The following PCDHGA2 variants were observed in gnomAD, a reference collection of about 807,000 sequenced individuals.
PCDHGA2 encodes protocadherin gamma-A2.
In PCDHGA2, 40 loss-of-function variants were observed where a neutral mutation model predicts 59.2. That is an observed-to-expected ratio of 0.68 (90% CI 0.52 to 0.88). PCDHGA2 has a LOEUF of 0.88. PCDHGA2 is among the 40% of genes least tolerant of loss of function. PCDHGA2 has a pLI of 0.00. For missense variants in PCDHGA2, 1,226 were observed against 1,204.0 expected (o/e 1.02, Z -0.27); for synonymous variants, 560 against 526.0 (o/e 1.06, Z -0.89).
chr5:141,440,075 T>C (rs2098148518), intron 1 of PCDHGA2: 1 of 152,428 alleles, frequency 6.6e-6, no homozygotes, highest in Non-Finnish European at 1.5e-5. Flanking sequence ...TGAGGAATAA[T>C]ACTTCATTCT....
In PCDHGA2 at chr5:141,490,963, G is replaced by GC; in HGVS notation, c.2425-3838dup. 6.2e-7 allele frequency: 1 copy of GC among 1,613,760 alleles called. No individual in the cohort carries two copies. On this transcript the variant is annotated intron_variant, in intron 1 of 3. Transcript: ENST00000394576. This position sits in a 1 kb window ranked among gnomAD's most constrained non-coding sequence, Gnocchi z 5.4. ...CCCACGGCCAGACTGGGAACACTCA[G>GC]CCCCCCAGCGTCTCCCTCGCTCTGC...
intron 1 of PCDHGA2, chr5:141,389,630 T>G: frequency 6.2e-7 from 1 of 1,612,990 alleles, no homozygotes; most frequent in South Asian, 1.1e-5. Context: ...CTGCAGAGCC[T>G]GGCTACTTGG....
intron 1 of PCDHGA2, chr5:141,384,766 A>T (rs1277766667): frequency 6.2e-7 from 1 of 1,613,916 alleles, no homozygotes; most frequent in South Asian, 1.1e-5. Context: ...TGGGCTGTAC[A>T]CGGGCGAGGT....
chr5:141,376,654 C>A, intron 1 of PCDHGA2: 1 of 932,252 alleles, frequency 1.1e-6, no homozygotes, highest in Non-Finnish European at 1.6e-6. Context: ...GTGGAAGACT[C>A]CCTTGTTCAG....
chr5:141,374,827 T>G, intron 1 of PCDHGA2: 1 of 1,613,964 alleles, frequency 6.2e-7, no homozygotes, highest in Non-Finnish European at 8.5e-7. Flanking sequence ...CTGTCTACCG[T>G]GTAAGTGTTC....
At chr5:141,359,613 G>A (rs960150614) in intron 1 of PCDHGA2, among the ~76,000 whole-genome samples, 5 of 151,718 alleles carry the variant, frequency 3.3e-5, no homozygotes, top group Non-Finnish European at 5.9e-5. Flanking sequence ...GCAGAATATG[G>A]TATGTTGTAT....
intron 1 of PCDHGA2, chr5:141,391,235 G>A (rs939140536): frequency 6.6e-6 from 1 of 151,890 alleles, no homozygotes; most frequent in Admixed American, 6.6e-5. Flanking sequence ...CTTTTGCTAG[G>A]TATATCTAAG....
chr5:141,352,783 A>C, intron 1 of PCDHGA2: 1 of 1,089,618 alleles, frequency 9.2e-7, no homozygotes, highest in Non-Finnish European at 1.3e-6. Context: ...TGAGGTCAGG[A>C]GTTTGAGACC....
At chr5:141,421,257 C>T (rs944057868) in intron 1 of PCDHGA2, 1 of 1,608,520 alleles carries the variant, frequency 6.2e-7, no homozygotes, top group African/African-American at 1.3e-5. Context: ...GCGGGGACCG[C>T]AGTCGGCTGC....
chr5:141,506,280 C>CT (rs1455257972), intron 3 of PCDHGA2, among the ~76,000 whole-genome samples: 1 of 152,024 alleles, frequency 6.6e-6, no homozygotes, highest in Non-Finnish European at 1.5e-5. Flanking sequence ...GAAACCCTGT[C>CT]TCTACTAAAA....
rs760617436 is a variant in PCDHGA2 at position 141,410,113 on chromosome 5, A to T, written c.2424+68718A>T. On this transcript the variant is annotated intron_variant, in intron 1 of 3. Transcript: ENST00000394576. The stretch of plus-strand genomic sequence containing the variant: ...CTCGAGCCTTAGGCGACAGGGACGC[A>T]GCCCGCCAGCGCCTGCTGGTCGCTG... 5 of 1,612,436 alleles carry T rather than the reference A, an allele frequency of 3.1e-6. No individual in the cohort carries two copies. The African/African-American group carries it at 6.7e-5, about 22-fold the overall frequency.
At chr5:141,426,844 A>C (rs1397752566) in intron 1 of PCDHGA2, 1 of 456,628 alleles carries the variant, frequency 2.2e-6, no homozygotes, top group Non-Finnish European at 4.4e-6. Context: ...ACTAAAGGCA[A>C]GAACGCTCCA....
chr5:141,446,797 A>G lies in PCDHGA2; in HGVS notation c.2425-48010A>G, dbSNP rs559881142. ...CCATTCTTTTACTCTGAGTTCTTCC[A>G]TTGTGATCATCTAGTCAGATGGGTA... is the stretch of plus-strand genomic sequence containing the variant. On this transcript the variant is annotated intron_variant, in intron 1 of 3. Coordinates refer to ENST00000394576, the MANE Select transcript of PCDHGA2 (RefSeq NM_018915.4). Among the ~76,000 whole-genome samples, 48 of 152,224 alleles carry G rather than the reference A, an allele frequency of 3.2e-4. No individual in the cohort carries two copies. In the South Asian group the frequency reaches 7.3e-3, roughly 23 times the overall value.
chr5:141,384,609 T>C (rs967686346), intron 1 of PCDHGA2: 1 of 1,614,148 alleles, frequency 6.2e-7, no homozygotes, highest in South Asian at 1.1e-5. Context: ...TCCCCACAGA[T>C]GGTTCTACTG....
chr5:141,463,886 C>T (rs1327677210), intron 1 of PCDHGA2, among the ~76,000 whole-genome samples: 3 of 152,118 alleles, frequency 2.0e-5, no homozygotes, highest in African/African-American at 4.8e-5. Flanking sequence ...AAAGTTTTCA[C>T]CTTGCTTTTT....
intron 1 of PCDHGA2, chr5:141,371,082 G>A (rs1767471058): frequency 1.9e-6 from 3 of 1,613,856 alleles, no homozygotes; most frequent in Non-Finnish European, 1.7e-6. Flanking sequence ...CCAGATCAGG[G>A]TAATTGTCGC....
chr5:141,490,700 C>T lies in PCDHGA2; in HGVS notation c.2425-4107C>T. The T allele has an allele frequency of 6.2e-7, 1 of 1,614,152 alleles. No individual in the cohort carries two copies. Among genetic ancestry groups the T allele is most frequent in the Non-Finnish European group, 8.5e-7 (1 of 1,179,984 alleles). ...TCAGATCCAGACACTGGGGATAATG[C>T]CCGCCTCACCTACTCCATTGTAGGA... On this transcript the variant is annotated intron_variant, in intron 1 of 3. Transcript: ENST00000394576. This position sits in a 1 kb window ranked among gnomAD's most constrained non-coding sequence, Gnocchi z 5.4.
intron 1 of PCDHGA2, chr5:141,393,601 C>T (rs1392489335): frequency 8.1e-6 from 13 of 1,613,812 alleles, no homozygotes; most frequent in Non-Finnish European, 1.1e-5. Flanking sequence ...CGGCTGCTTA[C>T]TGTAACAGCC....
chr5:141,405,770 G>A (rs989163026), intron 1 of PCDHGA2, among the ~76,000 whole-genome samples: 9 of 152,030 alleles, frequency 5.9e-5, no homozygotes, highest in South Asian at 4.2e-4. Flanking sequence ...GAGCCACTGC[G>A]CCTGGCCCTT....
Sources: gnomAD v4.1 joint callset for allele counts (sites outside exome capture counted in the v4.1 genomes callset) on GRCh38, gnomAD v4.1.1 for gene constraint, Gnocchi (gnomAD v3.1) non-coding constraint, MANE v1.5 for transcripts, NCBI Gene and HGNC (gene_info 2026-07-23, HGNC 2026-07-21) for gene names.